Variants in TCF7L2 observed in about 807,000 individuals in gnomAD.
TCF7L2 encodes transcription factor 7-like 2.
Under a neutral mutation model 77.9 loss-of-function variants are expected in TCF7L2, and 23 were observed. The ratio of observed to expected loss-of-function variants is 0.30; its 90% CI spans 0.21 to 0.42. The LOEUF (loss-of-function observed/expected upper bound fraction) is 0.42. Ranked by LOEUF, TCF7L2 falls within the 10% of genes least tolerant of loss-of-function variation. The pLI, the probability that TCF7L2 is intolerant of heterozygous loss-of-function variation, is 1.00. For synonymous variants in TCF7L2, 413 were observed against 340.2 expected (o/e 1.21, Z -2.36); for missense variants, 654 against 793.1 (o/e 0.82, Z 2.11).
intron 4 of TCF7L2, among the ~76,000 whole-genome samples, chr10:112,965,381 G>A (rs779537542): frequency 3.3e-5 from 5 of 152,188 alleles, no homozygotes; most frequent in Non-Finnish European, 5.9e-5. Flanking sequence ...TACGATTTTC[G>A]TCTGTCTGCC....
intron 4 of TCF7L2, among the ~76,000 whole-genome samples, chr10:112,965,629 A>G (rs374915137): frequency 3.2e-4 from 44 of 137,212 alleles, no homozygotes; most frequent in African/African-American, 1.1e-3. Context: ...GTGTGTGTAT[A>G]TGTGTGTGTG....
At chr10:113,072,334 G>T (rs536267798) in intron 5 of TCF7L2, among the ~76,000 whole-genome samples, 61 of 151,338 alleles carry the variant, frequency 4.0e-4, no homozygotes, top group Non-Finnish European at 6.0e-4. Context: ...GATTACTGGC[G>T]TGAGTCACCG....
chr10:113,054,938 GA>G (rs1184471267), intron 5 of TCF7L2, among the ~76,000 whole-genome samples: 14 of 151,606 alleles, frequency 9.2e-5, no homozygotes, highest in African/African-American at 3.4e-4. Context: ...ATTGTACATT[GA>G]AATTTAGCTC....
chr10:113,005,023 C>T (rs2045278863), intron 4 of TCF7L2, among the ~76,000 whole-genome samples: 2 of 152,200 alleles, frequency 1.3e-5, no homozygotes, highest in African/African-American at 4.8e-5. Flanking sequence ...AAGTCTTGCT[C>T]TGTAAGCCTC....
At chr10:113,160,524 T>C in intron 12 of TCF7L2, 1 of 1,123,404 alleles carries the variant, frequency 8.9e-7, no homozygotes, top group Non-Finnish European at 1.3e-6. Flanking sequence ...ACCAAGGTGA[T>C]AGAGAAGAAA....
chr10:113,158,810 G>T, intron 12 of TCF7L2, 93 bp downstream of exon 13: 1 of 1,312,326 alleles, frequency 7.6e-7, no homozygotes, highest in South Asian at 1.3e-5. Flanking sequence ...AAACACGTAT[G>T]ACATTTGAAC....
At chr10:113,048,672 T>A (rs2053867359) in intron 5 of TCF7L2, among the ~76,000 whole-genome samples, 1 of 152,220 alleles carries the variant, frequency 6.6e-6, no homozygotes, top group Non-Finnish European at 1.5e-5. Context: ...GTGGAGCGTG[T>A]CTAATTGCCA....
At chr10:113,084,711 A>G (rs2059645994) in intron 5 of TCF7L2, among the ~76,000 whole-genome samples, 1 of 152,036 alleles carries the variant, frequency 6.6e-6, no homozygotes, top group South Asian at 2.1e-4. Context: ...CCTGGCCAAC[A>G]TGGTGAAACC....
chr10:113,162,581 G>A (rs1488082853), intron 13 of TCF7L2, among the ~76,000 whole-genome samples: 1 of 152,148 alleles, frequency 6.6e-6, no homozygotes, highest in Non-Finnish European at 1.5e-5. Context: ...AATGCATCTT[G>A]GAGGGGCTGT....
At chr10:113,099,387 T>C (rs2061387837) in intron 5 of TCF7L2, among the ~76,000 whole-genome samples, 1 of 152,206 alleles carries the variant, frequency 6.6e-6, no homozygotes, top group African/African-American at 2.4e-5. Flanking sequence ...CCCCCCAGGC[T>C]GTCCTCACCT....
intron 5 of TCF7L2, among the ~76,000 whole-genome samples, chr10:113,084,497 C>A (rs907648871): frequency 7.9e-5 from 12 of 152,216 alleles, no homozygotes; most frequent in East Asian, 5.8e-4. Flanking sequence ...GGAGGACCAT[C>A]CGCCTTACTC....
chr10:112,992,315 C>G (rs2042702296), intron 4 of TCF7L2, among the ~76,000 whole-genome samples: 1 of 152,212 alleles, frequency 6.6e-6, no homozygotes, highest in African/African-American at 2.4e-5. Context: ...AGCATAGATT[C>G]CATTCCGCAC....
chr10:112,963,650 G>A (rs2035848067), intron 3 of TCF7L2, among the ~76,000 whole-genome samples: 1 of 152,192 alleles, frequency 6.6e-6, no homozygotes, highest in African/African-American at 2.4e-5. Context: ...ATCAGCAGAT[G>A]GTGTTTGTTT....
chr10:113,077,713 T>C (rs890457927), intron 5 of TCF7L2, among the ~76,000 whole-genome samples: 8 of 149,948 alleles, frequency 5.3e-5, no homozygotes, highest in Non-Finnish European at 1.0e-4. Context: ...TTTTTTTTTT[T>C]TTTTTGAGAT....
At chr10:113,039,931 C>T (rs1182845407) in intron 4 of TCF7L2, 94 bp from the exon 5 acceptor site, 2 of 1,070,588 alleles carry the variant, frequency 1.9e-6, no homozygotes, top group East Asian at 5.0e-5. Flanking sequence ...TTTTCAGTTT[C>T]TGACCCATGT....
rs184866897 is a variant in TCF7L2, at chr10:112,966,060, A to T, written c.450+1436A>T. Among the ~76,000 whole-genome samples the T allele has an allele frequency of 3.8e-3, 572 of 151,470 alleles. 4 individuals are homozygous for T. The highest frequency in any genetic ancestry group is 0.013 in the African/African-American group (540 of 41,026). On this transcript the variant is annotated intron_variant, in intron 4 of 13. Coordinates refer to ENST00000627217, the MANE Select transcript of TCF7L2 (RefSeq NM_001146274.2). The stretch of plus-strand genomic sequence containing the variant: ...TGTGGTGGTGGGTGCCTGTAATCCC[A>T]GTTAATCAGGAGGCTGAGGCAGGAG...
chr10:112,964,185 G>C (rs779730579), intron 3 of TCF7L2, among the ~76,000 whole-genome samples: 1 of 152,012 alleles, frequency 6.6e-6, no homozygotes, highest in Non-Finnish European at 1.5e-5. Context: ...TTGCAATTCT[G>C]ATGACTTTTT....
intron 4 of TCF7L2, among the ~76,000 whole-genome samples, chr10:113,006,219 A>G (rs1242413400): frequency 2.0e-5 from 3 of 152,216 alleles, no homozygotes; most frequent in African/African-American, 4.8e-5. Flanking sequence ...GAATTTCTCT[A>G]TCCCTTTAGC....
At chr10:113,010,332 C>T (rs1165398956) in intron 4 of TCF7L2, among the ~76,000 whole-genome samples, 1 of 152,156 alleles carries the variant, frequency 6.6e-6, no homozygotes, top group Non-Finnish European at 1.5e-5. Flanking sequence ...ACATTAGGTT[C>T]ACCTGGAGAG....
Sources: gnomAD v4.1 joint callset for allele counts (sites outside exome capture counted in the v4.1 genomes callset) on GRCh38, gnomAD v4.1.1 for gene constraint, MANE v1.5 for transcripts, NCBI Gene and HGNC (gene_info 2026-07-23, HGNC 2026-07-21) for gene names.